Variants in SLC30A8 observed in about 807,000 individuals in gnomAD.
The protein encoded by SLC30A8 is solute carrier family 30 member 8, also known as proton-coupled zinc antiporter SLC30A8.
Under a neutral mutation model 36.9 loss-of-function variants are expected in SLC30A8, and 27 were observed. The observed-to-expected ratio is 0.73, with a 90% CI of 0.54 to 1.01. The LOEUF (loss-of-function observed/expected upper bound fraction) is 1.01. Among genes scored for constraint, SLC30A8 ranks in the 50% least tolerant of loss-of-function variants. The pLI, the probability that SLC30A8 is intolerant of heterozygous loss-of-function variation, is 0.00. For synonymous variants in SLC30A8, 164 were observed against 172.4 expected (o/e 0.95, Z 0.38); for missense variants, 439 against 452.0 (o/e 0.97, Z 0.26).
chr8:117,016,302 G>A (rs1488734211), intron 1 of SLC30A8, among the ~76,000 whole-genome samples: 4 of 152,132 alleles, frequency 2.6e-5, no homozygotes, highest in East Asian at 1.9e-4. Context: ...AATAGAAGTC[G>A]ATATTGAATC....
chr8:117,090,360 T>TTAAGGAGCCTTTCTGTG (rs568684192), intron 2 of SLC30A8, among the ~76,000 whole-genome samples: 2,756 of 152,300 alleles, frequency 0.018, 38 homozygotes, highest in Non-Finnish European at 0.028. Flanking sequence ...TAAATATTTA[T>TTAAGGAGCCTTTCTGTG]TAAGGAGCCT....
rs565182698 is a variant in SLC30A8 at position 117,017,941 on chromosome 8, G to A, written c.-265-21278G>A. 510 of 152,352 alleles carry A rather than the reference G, an allele frequency of 3.3e-3. 1 individual carries two copies. The highest frequency in any genetic ancestry group is 4.8e-3 in the Non-Finnish European group (325 of 68,042). 9.4% of individuals were successfully genotyped at this position (152,352 alleles called of 1,614,324 possible). On this transcript the variant is annotated intron_variant, in intron 1 of 10. Transcript: ENST00000427715. ...TCTTGTAACCATATTTGAAAAGTTA[G>A]TAGAGCTGGGCATGGTGGCATCTGC...
chr8:117,004,507 C>T (rs1816109991), intron 1 of SLC30A8, among the ~76,000 whole-genome samples: 2 of 151,942 alleles, frequency 1.3e-5, no homozygotes. Context: ...CTTTTGATGG[C>T]GTCAAGAGCG....
chr8:117,088,150 A>G (rs1451632100), intron 2 of SLC30A8, among the ~76,000 whole-genome samples: 2 of 152,186 alleles, frequency 1.3e-5, no homozygotes, highest in Admixed American at 6.5e-5. Flanking sequence ...CCAGAAAGCC[A>G]AGAAAGAACT....
chr8:117,146,713 G>T (rs1821912701), intron 1 of SLC30A8: 1 of 691,666 alleles, frequency 1.4e-6, no homozygotes, highest in Non-Finnish European at 2.1e-6. Flanking sequence ...AATAATTGGT[G>T]GCATTGACTG....
chr8:117,147,847 AT>A (rs1312134130), intron 2 of SLC30A8, among the ~76,000 whole-genome samples: 1 of 152,030 alleles, frequency 6.6e-6, no homozygotes, highest in East Asian at 1.9e-4. Flanking sequence ...TTATTTTAAT[AT>A]TTATTTCTTT....
At chr8:116,992,723 A>G (rs1815686211) in intron 1 of SLC30A8, among the ~76,000 whole-genome samples, 1 of 152,208 alleles carries the variant, frequency 6.6e-6, no homozygotes, top group African/African-American at 2.4e-5. Context: ...CTAACATCTA[A>G]GTAGAGGAGA....
chr8:117,030,498 A>G (rs1193099379), intron 1 of SLC30A8, among the ~76,000 whole-genome samples: 4 of 152,154 alleles, frequency 2.6e-5, no homozygotes, highest in Admixed American at 1.3e-4. Flanking sequence ...AATCTAAGGC[A>G]TGCTCAATGT....
At position 117,126,520 on chromosome 8, in the gene SLC30A8, G is replaced by A. The variant is rs180841698; in HGVS notation, c.-225-8760G>A. Among the ~76,000 whole-genome samples, 8 of 151,646 alleles carry A rather than the reference G, an allele frequency of 5.3e-5. 1 individual carries two copies. The East Asian group carries it at 1.6e-3, about 30-fold the overall frequency. On this transcript the variant is annotated intron_variant, in intron 2 of 10. Transcript: ENST00000427715. ...TCACTATGTAATGGCTTTCTCATCAGTACATTCCATCCATCATCCACCAAC... is the reference window on the plus strand; with the variant it reads ...TCACTATGTAATGGCTTTCTCATCAATACATTCCATCCATCATCCACCAAC...
At chr8:117,049,572 T>C (rs1438296429) in intron 2 of SLC30A8, among the ~76,000 whole-genome samples, 1 of 152,342 alleles carries the variant, frequency 6.6e-6, no homozygotes, top group African/African-American at 2.4e-5. Flanking sequence ...AATACATCAG[T>C]CATTTGGAAG....
At chr8:117,081,291 A>C (rs1291664986) in intron 2 of SLC30A8, among the ~76,000 whole-genome samples, 1 of 152,180 alleles carries the variant, frequency 6.6e-6, no homozygotes, top group Non-Finnish European at 1.5e-5. Context: ...GAAATATTAC[A>C]GCTCTGGAGG....
At chr8:117,059,300 G>A (rs1006194404) in intron 2 of SLC30A8, among the ~76,000 whole-genome samples, 2 of 152,200 alleles carry the variant, frequency 1.3e-5, no homozygotes, top group South Asian at 2.1e-4. Flanking sequence ...GGAATGCATC[G>A]GTAACAGCAT....
intron 2 of SLC30A8, among the ~76,000 whole-genome samples, chr8:117,048,410 A>G (rs1817616069): frequency 6.6e-6 from 1 of 152,194 alleles, no homozygotes; most frequent in African/African-American, 2.4e-5. Flanking sequence ...ACATCTAGAT[A>G]TGTTCTATTC....
chr8:116,969,556 G>T (rs140283774), intron 1 of SLC30A8, among the ~76,000 whole-genome samples: 2 of 152,236 alleles, frequency 1.3e-5, no homozygotes, highest in East Asian at 3.9e-4. Flanking sequence ...TGAGAAATGC[G>T]CTGTCAGGTT....
chr8:117,129,158 A>G (rs560554402), intron 2 of SLC30A8, among the ~76,000 whole-genome samples: 2 of 152,022 alleles, frequency 1.3e-5, no homozygotes, highest in Non-Finnish European at 2.9e-5. Flanking sequence ...ACTATGTTGA[A>G]TAAAAGTAGA....
chr8:117,051,774 C>T (rs1817717628), intron 2 of SLC30A8, among the ~76,000 whole-genome samples: 1 of 151,838 alleles, frequency 6.6e-6, no homozygotes, highest in African/African-American at 2.4e-5. Flanking sequence ...GATCGTGCCA[C>T]TGCACTCCAG....
chr8:117,046,974 T>C (rs1817572692), intron 2 of SLC30A8, among the ~76,000 whole-genome samples: 1 of 152,220 alleles, frequency 6.6e-6, no homozygotes, highest in Non-Finnish European at 1.5e-5. Flanking sequence ...ATTTGTTTGT[T>C]TGAATGTTGA....
chr8:117,051,796 G>T (rs1413399457), intron 2 of SLC30A8, among the ~76,000 whole-genome samples: 1 of 151,730 alleles, frequency 6.6e-6, no homozygotes, highest in Non-Finnish European at 1.5e-5. Context: ...CTGGGCGACA[G>T]AATGAGACTC....
At chr8:117,053,766 G>A (rs1328132202) in intron 2 of SLC30A8, among the ~76,000 whole-genome samples, 1 of 152,200 alleles carries the variant, frequency 6.6e-6, no homozygotes, top group Non-Finnish European at 1.5e-5. Flanking sequence ...AATGATAAGA[G>A]CAACTGAAAT....
Sources: allele counts gnomAD v4.1 joint callset (sites outside exome capture counted in the v4.1 genomes callset), GRCh38; gene constraint gnomAD v4.1.1; transcripts MANE v1.5; gene names NCBI Gene and HGNC (gene_info 2026-07-23, HGNC 2026-07-21).